ADAM9: variants seen among roughly 807,000 people sequenced by gnomAD.
ADAM9 encodes the protein ADAM metallopeptidase domain 9.
In ADAM9, 54 loss-of-function variants were observed where a neutral mutation model predicts 108.1. That is an observed-to-expected ratio of 0.50 (90% CI 0.40 to 0.63). ADAM9 has a LOEUF of 0.63. Ranked by LOEUF, ADAM9 falls within the 20% of genes least tolerant of loss-of-function variation. ADAM9 has a pLI of 0.00. For missense variants in ADAM9, 830 were observed against 997.7 expected (o/e 0.83, Z 2.26); for synonymous variants, 316 against 336.0 (o/e 0.94, Z 0.65).
chr8:39,003,673 T>C (rs949430817), intron 1 of ADAM9, among the ~76,000 whole-genome samples: 1 of 152,206 alleles, frequency 6.6e-6, no homozygotes, highest in Admixed American at 6.5e-5. Context: ...TTTGTTATGA[T>C]GTTTTGGAAC....
chr8:39,068,095 CCT>C (rs573121190), intron 14 of ADAM9, among the ~76,000 whole-genome samples: 202 of 152,098 alleles, frequency 1.3e-3, no homozygotes, highest in South Asian at 2.3e-3. Flanking sequence ...TTCTGCGTAA[CCT>C]CTGTTTCATA....
chr8:39,082,070 A>G (rs181142733), intron 16 of ADAM9, among the ~76,000 whole-genome samples: 34 of 152,306 alleles, frequency 2.2e-4, no homozygotes, highest in African/African-American at 7.0e-4. Flanking sequence ...TTCTTGAACC[A>G]TGTAAGATTA....
intron 9 of ADAM9, 88 bp from the exon 10 acceptor site, chr8:39,025,715 C>A: frequency 7.7e-7 from 1 of 1,294,588 alleles, no homozygotes; most frequent in South Asian, 1.2e-5. Context: ...GTAGGTTCTC[C>A]CAATCCAGTT....
chr8:39,062,045 T>C (rs1027528412), intron 14 of ADAM9, among the ~76,000 whole-genome samples: 5 of 152,154 alleles, frequency 3.3e-5, no homozygotes, highest in East Asian at 1.9e-4. Flanking sequence ...GCCAATCCCA[T>C]CATAAGGGTC....
intron 11 of ADAM9, among the ~76,000 whole-genome samples, chr8:39,039,460 A>G (rs962282342): frequency 3.3e-5 from 5 of 152,184 alleles, no homozygotes; most frequent in African/African-American, 1.2e-4. Flanking sequence ...GTAATACAAT[A>G]TTATTATCTA....
At chr8:39,008,825 A>G (rs946004154) in intron 2 of ADAM9, among the ~76,000 whole-genome samples, 1 of 152,192 alleles carries the variant, frequency 6.6e-6, no homozygotes, top group Non-Finnish European at 1.5e-5. Context: ...GTGCACAAAA[A>G]TTATTTTTTC....
intron 12 of ADAM9, among the ~76,000 whole-genome samples, chr8:39,048,668 G>A (rs1282683965): frequency 6.6e-6 from 1 of 152,140 alleles, no homozygotes; most frequent in East Asian, 1.9e-4. Flanking sequence ...TTAAAATGCA[G>A]TCTTGAAGTT....
At position 39,026,808 on chromosome 8, in the gene ADAM9, A is replaced by G. The variant is rs145666178; in HGVS notation, c.1128A>G (p.Ala376=). Residue 376 remains alanine, a splice_region_variant and synonymous_variant, in exon 11 of 22, where the codon GCA becomes GCG. Transcript: ENST00000487273. ...GAKSCIMNSG[A]SGSRNFSSCS... ...AGAGCTGCATCATGAATTCAGGAGC[A>G]TCGTGAGTACCTGGGTTCTTCTTCT... 1.9e-5 allele frequency: 30 copies of G among 1,560,074 alleles called. No individual in the cohort carries two copies. Among genetic ancestry groups the G allele is most frequent in the African/African-American group, 5.2e-5 (3 of 57,666 alleles).
Position 39,084,481 on chromosome 8 carries a change from T to C in ADAM9, c.2068+1408T>C, listed in dbSNP as rs182286000. ...CTTTGACTTACAGGTTATTTAGATA[T>C]GTGCTATTTCTTTTGAAATACCTGT... On this transcript the variant is annotated intron_variant, in intron 18 of 21. Coordinates refer to ENST00000487273, the MANE Select transcript of ADAM9 (RefSeq NM_003816.3). Among the ~76,000 whole-genome samples, 154 of 152,142 alleles carry C rather than the reference T, an allele frequency of 1.0e-3. 1 individual carries two copies. In the Middle Eastern group the frequency reaches 0.01, roughly 10 times the overall value.
At chr8:39,031,214 C>T (rs999938633) in intron 11 of ADAM9, among the ~76,000 whole-genome samples, 2 of 152,162 alleles carry the variant, frequency 1.3e-5, no homozygotes, top group African/African-American at 4.8e-5. Flanking sequence ...GACCTTTGAT[C>T]CACATGGAGT....
intron 1 of ADAM9, among the ~76,000 whole-genome samples, chr8:39,002,094 G>T (rs999997450): frequency 6.7e-6 from 1 of 149,312 alleles, no homozygotes; most frequent in Non-Finnish European, 1.5e-5. Context: ...CTATTATATG[G>T]CTCGAAATAA....
At chr8:39,080,948 GTT>G (rs397808791) in intron 16 of ADAM9, among the ~76,000 whole-genome samples, 2 of 108,762 alleles carry the variant, frequency 1.8e-5, no homozygotes, top group Non-Finnish European at 3.6e-5. Flanking sequence ...CACTGTGAGA[GTT>G]TTTTTTTTTT....
At chr8:39,097,159 C>T (rs1038633052) in intron 20 of ADAM9, among the ~76,000 whole-genome samples, 7 of 152,160 alleles carry the variant, frequency 4.6e-5, no homozygotes, top group African/African-American at 1.7e-4. Flanking sequence ...TTACGCTACT[C>T]AGCCTGGCTA....
At chr8:39,044,772 C>T (rs1012491579) in intron 12 of ADAM9, among the ~76,000 whole-genome samples, 3 of 152,074 alleles carry the variant, frequency 2.0e-5, no homozygotes, top group Non-Finnish European at 2.9e-5. Context: ...GGATAATGGC[C>T]TCCAGCTCCA....
chr8:39,088,765 A>G (rs895513610), intron 18 of ADAM9, among the ~76,000 whole-genome samples: 2 of 152,238 alleles, frequency 1.3e-5, no homozygotes, highest in Admixed American at 6.5e-5. Flanking sequence ...ATACAAAAAT[A>G]ATAAACTTTT....
rs934183070 is a variant in ADAM9 at position 38,998,511 on chromosome 8, T to G, written c.97+1351T>G. 3.3e-5 allele frequency among the ~76,000 whole-genome samples: 5 copies of G among 152,326 alleles called. No homozygotes were observed. In the East Asian group the frequency reaches 9.6e-4, roughly 29 times the overall value. ...GGAATATCCTGATGGTCTTTAACTG[T>G]GGTTTTGGCCAGCTCCTCACTTCGG... On this transcript the variant is annotated intron_variant, in intron 1 of 21. Transcript: ENST00000487273.
At chr8:39,002,017 C>G (rs144387655) in intron 1 of ADAM9, among the ~76,000 whole-genome samples, 1 of 128,104 alleles carries the variant, frequency 7.8e-6, no homozygotes. Flanking sequence ...ATTGACCTGG[C>G]GAATACTAGA....
chr8:39,015,103 T>C (rs1375272507), intron 4 of ADAM9: 1 of 152,572 alleles, frequency 6.6e-6, no homozygotes, highest in Non-Finnish European at 1.5e-5. Flanking sequence ...TTTTTCCTCA[T>C]AGAGGTTTCT....
chr8:39,055,524 A>G (rs1242830164), intron 13 of ADAM9, 53 bp from the exon 14 acceptor site: 2 of 1,562,044 alleles, frequency 1.3e-6, no homozygotes, highest in Non-Finnish European at 8.8e-7. Context: ...CATTTGATTA[A>G]TTTGTGGACA....
Sources: gnomAD v4.1 joint callset for allele counts (sites outside exome capture counted in the v4.1 genomes callset) on GRCh38, gnomAD v4.1.1 for gene constraint, MANE v1.5 for transcripts, NCBI Gene and HGNC (gene_info 2026-07-23, HGNC 2026-07-21) for gene names.